Variants in PTPRD observed in about 807,000 individuals in gnomAD.
PTPRD encodes the protein receptor-type tyrosine-protein phosphatase delta.
In PTPRD, 34 loss-of-function variants were observed where a neutral mutation model predicts 214.5. The ratio of observed to expected loss-of-function variants is 0.16; its 90% CI spans 0.12 to 0.21. The LOEUF is 0.21. Ranked by LOEUF, PTPRD falls within the 10% of genes least tolerant of loss-of-function variation. PTPRD has a pLI of 1.00. For missense variants in PTPRD, 2,545 were observed against 2,398.7 expected (o/e 1.06, Z -1.27); for synonymous variants, 1,128 against 845.7 (o/e 1.33, Z -5.79).
At chr9:9,022,707 T>A (rs2099573998) in intron 10 of PTPRD, among the ~76,000 whole-genome samples, 1 of 152,136 alleles carries the variant, frequency 6.6e-6, no homozygotes, top group Non-Finnish European at 1.5e-5. Flanking sequence ...TTCAAAGAAG[T>A]CAACATAATT....
At chr9:9,871,040 G>C (rs1481621058) in intron 5 of PTPRD, among the ~76,000 whole-genome samples, 1 of 152,130 alleles carries the variant, frequency 6.6e-6, no homozygotes, top group Middle Eastern at 3.4e-3. Context: ...TTGATCCCTT[G>C]AATCAGAAAG....
intron 14 of PTPRD, among the ~76,000 whole-genome samples, chr9:8,569,031 G>C (rs73421081): frequency 6.6e-6 from 1 of 152,112 alleles, no homozygotes; most frequent in East Asian, 1.9e-4. Context: ...AATCATGTTT[G>C]TTGTCAATGT....
chr9:8,699,374 T>A (rs759238560), intron 12 of PTPRD, among the ~76,000 whole-genome samples: 2 of 152,164 alleles, frequency 1.3e-5, no homozygotes, highest in African/African-American at 2.4e-5. Context: ...GTAAAAAAGA[T>A]TAATTCCTGA....
intron 10 of PTPRD, among the ~76,000 whole-genome samples, chr9:9,100,204 C>A (rs535766954): frequency 6.6e-6 from 1 of 152,234 alleles, no homozygotes; most frequent in African/African-American, 2.4e-5. Context: ...TAGTTGGCTT[C>A]TTACCATAAT....
chr9:10,248,271 T>C (rs1421800760), intron 3 of PTPRD, among the ~76,000 whole-genome samples: 1 of 152,136 alleles, frequency 6.6e-6, no homozygotes, highest in East Asian at 1.9e-4. Flanking sequence ...TTTGGGGTGA[T>C]CCTAAGAAAT....
rs938835717 is a variant in PTPRD, at chr9:10,040,602, G to T, written c.-544-6812C>A. Among the ~76,000 whole-genome samples, 25 of 151,922 alleles carry T rather than the reference G, an allele frequency of 1.6e-4. 1 individual carries two copies. Among genetic ancestry groups the T allele is most frequent in the Non-Finnish European group, 3.5e-4 (24 of 67,954 alleles). ...TACTTAGCAACGAGAGGCTATATTT[G>T]GTTTCTGCAGACTTGTTTATGGAAC... is the stretch of plus-strand genomic sequence containing the variant. On this transcript the variant is annotated intron_variant, in intron 3 of 45. Coordinates refer to ENST00000381196, the MANE Select transcript of PTPRD (RefSeq NM_002839.4).
chr9:8,778,836 A>T (rs1403580523), intron 11 of PTPRD, among the ~76,000 whole-genome samples: 1 of 152,194 alleles, frequency 6.6e-6, no homozygotes, highest in Non-Finnish European at 1.5e-5. Context: ...CAGAGCCCAT[A>T]GGGTTGCTCA....
chr9:10,283,961 T>G (rs2095249950), intron 3 of PTPRD, among the ~76,000 whole-genome samples: 1 of 152,214 alleles, frequency 6.6e-6, no homozygotes, highest in Admixed American at 6.5e-5. Context: ...TTCCAGTTCC[T>G]TCTCTCATGG....
chr9:8,373,834 A>G (rs201428176), intron 39 of PTPRD, among the ~76,000 whole-genome samples: 16,098 of 105,090 alleles, frequency 0.15, 3,083 homozygotes, highest in African/African-American at 0.46. Flanking sequence ...GTATGTATGT[A>G]TGTATGTATG....
At chr9:9,760,565 T>G (rs1302461262) in intron 6 of PTPRD, among the ~76,000 whole-genome samples, 1 of 147,802 alleles carries the variant, frequency 6.8e-6, no homozygotes, top group Non-Finnish European at 1.5e-5. Context: ...CTTTGAGAGA[T>G]CTCTTCTTCC....
At chr9:10,221,851 CAT>C (rs2099572312) in intron 3 of PTPRD, among the ~76,000 whole-genome samples, 1 of 151,686 alleles carries the variant, frequency 6.6e-6, no homozygotes, top group Non-Finnish European at 1.5e-5. Context: ...TGAAAGCAAA[CAT>C]TGAGTAGTAG....
At chr9:9,399,009 C>T (rs989489611) in intron 8 of PTPRD, among the ~76,000 whole-genome samples, 8 of 151,994 alleles carry the variant, frequency 5.3e-5, no homozygotes, top group African/African-American at 1.9e-4. Context: ...CTTCACTATT[C>T]TTCAGGGCCC....
intron 5 of PTPRD, among the ~76,000 whole-genome samples, chr9:9,886,215 T>C (rs531716627): frequency 5.3e-5 from 8 of 152,198 alleles, no homozygotes; most frequent in Admixed American, 3.3e-4. Flanking sequence ...TATCAATACA[T>C]GTCTGGCTGC....
intron 3 of PTPRD, among the ~76,000 whole-genome samples, chr9:10,074,215 G>A (rs867420436): frequency 6.6e-6 from 1 of 152,070 alleles, no homozygotes; most frequent in Non-Finnish European, 1.5e-5. Flanking sequence ...CTGCTTATGT[G>A]CCATTTAAGA....
chr9:9,931,198 A>T (rs1321425891), intron 5 of PTPRD, among the ~76,000 whole-genome samples: 2 of 152,212 alleles, frequency 1.3e-5, no homozygotes, highest in Non-Finnish European at 2.9e-5. Flanking sequence ...AATAAAAAAA[A>T]GAATTAAAAA....
intron 14 of PTPRD, among the ~76,000 whole-genome samples, chr9:8,605,306 G>C (rs2095140492): frequency 6.6e-6 from 1 of 152,090 alleles, no homozygotes; most frequent in South Asian, 2.1e-4. Context: ...TTAACTATTG[G>C]CTTAGGTTTA....
chr9:10,275,980 A>G (rs1435753130), intron 3 of PTPRD, among the ~76,000 whole-genome samples: 1 of 152,192 alleles, frequency 6.6e-6, no homozygotes, highest in Non-Finnish European at 1.5e-5. Context: ...AGTGTTAAAT[A>G]CATTTATAAG....
rs1465480803 is a variant in PTPRD at position 8,995,179 on chromosome 9, G to A, written c.-104+23518C>T. On this transcript the variant is annotated intron_variant, in intron 11 of 45. Transcript: ENST00000381196. ...AACTTAATAGATATAACAACCAAAT[G>A]CAATATTTTAGACAGTGAAATTTGG... 2.6e-5 allele frequency among the ~76,000 whole-genome samples: 4 copies of A among 152,012 alleles called. No homozygotes were observed. The East Asian group carries it at 5.8e-4, about 22-fold the overall frequency.
chr9:8,786,761 G>C (rs2095997754), intron 11 of PTPRD, among the ~76,000 whole-genome samples: 1 of 151,656 alleles, frequency 6.6e-6, no homozygotes, highest in Non-Finnish European at 1.5e-5. Context: ...AAAAAAGGTG[G>C]GGGGGCGGGG....
Sources: gnomAD v4.1 joint callset for allele counts (sites outside exome capture counted in the v4.1 genomes callset) on GRCh38, gnomAD v4.1.1 for gene constraint, MANE v1.5 for transcripts, NCBI Gene and HGNC (gene_info 2026-07-23, HGNC 2026-07-21) for gene names.